The following PCDHGA10 variants were observed in gnomAD, a reference collection of about 807,000 sequenced individuals.
The protein encoded by PCDHGA10 is protocadherin gamma-A10.
PCDHGA10 carries 42 observed loss-of-function variants against 59.5 expected under a neutral mutation model. That is an observed-to-expected ratio of 0.71 (90% CI 0.55 to 0.91). The LOEUF (loss-of-function observed/expected upper bound fraction) is 0.91. PCDHGA10 is among the 40% of genes least tolerant of loss of function. PCDHGA10 has a pLI of 0.00. For synonymous variants in PCDHGA10, 511 were observed against 517.2 expected (o/e 0.99, Z 0.16); for missense variants, 1,111 against 1,198.2 (o/e 0.93, Z 1.07).
At chr5:141,419,548 G>C in intron 1 of PCDHGA10, 1 of 1,611,976 alleles carries the variant, frequency 6.2e-7, no homozygotes, top group Non-Finnish European at 8.5e-7. Context: ...CGCGGGTGCT[G>C]TACCCTGCGC....
intron 3 of PCDHGA10, among the ~76,000 whole-genome samples, chr5:141,506,198 C>T (rs985517638): frequency 3.3e-5 from 5 of 152,156 alleles, no homozygotes; most frequent in Admixed American, 6.5e-5. Context: ...CGCCTGTAAT[C>T]CCAGCACTTT....
At position 141,413,024 on chromosome 5, in the gene PCDHGA10, C is replaced by G; in HGVS notation, c.-152C>G. On this transcript the variant is annotated 5_prime_UTR_variant, in exon 1 of 4. Coordinates refer to ENST00000398610, the MANE Select transcript of PCDHGA10 (RefSeq NM_018913.3). The stretch of plus-strand genomic sequence containing the variant: ...CAGGGCTTCAACTACACAAGCCCCA[C>G]AAACCGGCTGCTGGGCTGCAGGGAA... The G allele has an allele frequency of 1.4e-6, 1 of 736,254 alleles. No individual in the cohort carries two copies. Among genetic ancestry groups the G allele is most frequent in the Non-Finnish European group, 2.1e-6 (1 of 471,976 alleles). The allele number at this position is 736,254 out of a possible 1,614,324, so 45.6% of individuals were successfully genotyped here.
At chr5:141,421,783 A>G in intron 1 of PCDHGA10, 1 of 1,613,882 alleles carries the variant, frequency 6.2e-7, no homozygotes, top group East Asian at 2.2e-5. Flanking sequence ...ACTGCGGGGC[A>G]GAACGGATGG....
rs2099412065 is a variant in PCDHGA10, at chr5:141,477,502, C to T, written c.2437-17305C>T. On this transcript the variant is annotated intron_variant, in intron 1 of 3. Coordinates refer to ENST00000398610, the MANE Select transcript of PCDHGA10 (RefSeq NM_018913.3). This position sits in a 1 kb window ranked among gnomAD's most constrained non-coding sequence, Gnocchi z 4.9. ...CTCCACAATCTTCTCAATCTTCCTACGACGTTTACATTGAAGAAAACAACC... is the reference window on the plus strand; with the variant it reads ...CTCCACAATCTTCTCAATCTTCCTATGACGTTTACATTGAAGAAAACAACC... 2 of 1,614,144 alleles carry T rather than the reference C, an allele frequency of 1.2e-6. No homozygotes were observed. Among genetic ancestry groups the T allele is most frequent in the Non-Finnish European group, 1.7e-6 (2 of 1,180,018 alleles).
intron 1 of PCDHGA10, among the ~76,000 whole-genome samples, chr5:141,448,604 A>G (rs954578256): frequency 1.3e-5 from 2 of 152,118 alleles, no homozygotes; most frequent in Non-Finnish European, 2.9e-5. Flanking sequence ...AATACTATAC[A>G]CCACTTTATA....
intron 1 of PCDHGA10, among the ~76,000 whole-genome samples, chr5:141,429,654 T>C (rs1373502548): frequency 6.6e-6 from 1 of 152,232 alleles, no homozygotes; most frequent in Non-Finnish European, 1.5e-5. Context: ...TTCTTCCCAA[T>C]TTAAAATATA....
chr5:141,413,924 A>T lies in PCDHGA10; in HGVS notation c.749A>T (p.Glu250Val). The T allele has an allele frequency of 6.2e-7, 1 of 1,613,408 alleles. No homozygotes were observed. Among genetic ancestry groups the T allele is most frequent in the Non-Finnish European group, 8.5e-7 (1 of 1,179,880 alleles). Residue 250 changes from glutamate to valine, a missense_variant, in exon 1 of 4, where the codon GAA becomes GTA. Coordinates refer to ENST00000398610, the MANE Select transcript of PCDHGA10 (RefSeq NM_018913.3). ...NDNAPVFTLP[E>V]YRVSVPENLP... is the part of the protein sequence containing the mutation. ...AACGCGCCGGTCTTCACCTTGCCAG[A>T]ATACCGAGTGAGTGTTCCTGAGAAT...
rs773688197 is a variant in PCDHGA10 at position 141,432,412 on chromosome 5, C to A, written c.2436+16801C>A. 2.5e-6 allele frequency: 4 copies of A among 1,614,128 alleles called. No homozygotes were observed. The Admixed American group carries it at 6.7e-5, about 27-fold the overall frequency. On this transcript the variant is annotated intron_variant, in intron 1 of 3. Transcript: ENST00000398610. The surrounding 1 kb of genome is among the most constrained non-coding windows in gnomAD (Gnocchi z 6.0). ...GCAGCAACGTGTCGTTGAGCCTGTT[C>A]GTGCTGGACCAGAACGACAATGCGC...
chr5:141,479,435 G>C (rs2099495981), intron 1 of PCDHGA10: 1 of 152,218 alleles, frequency 6.6e-6, no homozygotes, highest in Non-Finnish European at 1.5e-5. Context: ...TCAATCCACT[G>C]TCTGCACTAA....
chr5:141,491,616 C>T lies in PCDHGA10; in HGVS notation c.2437-3191C>T. 1 of 1,613,944 alleles carries T rather than the reference C, an allele frequency of 6.2e-7. No homozygotes were observed. Among genetic ancestry groups the T allele is most frequent in the South Asian group, 1.1e-5 (1 of 91,082 alleles). On this transcript the variant is annotated intron_variant, in intron 1 of 3. Coordinates refer to ENST00000398610, the MANE Select transcript of PCDHGA10 (RefSeq NM_018913.3). The surrounding 1 kb of genome is among the most constrained non-coding windows in gnomAD (Gnocchi z 6.9). ...GCAGTGACTTCACTTTTCTAAGACC[C>T]CTCAGCGTTCAGCAGCCCACAGCTC...
At chr5:141,423,485 C>T (rs752918607) in intron 1 of PCDHGA10, 30 of 1,613,840 alleles carry the variant, frequency 1.9e-5, no homozygotes, top group Non-Finnish European at 2.2e-5. Context: ...TTCCTGCAAA[C>T]CTATTCCCAC....
intron 1 of PCDHGA10, chr5:141,478,091 A>G: frequency 6.2e-7 from 1 of 1,613,972 alleles, no homozygotes; most frequent in African/African-American, 1.3e-5. Flanking sequence ...GCTCTCCACC[A>G]CTGCTACCCT....
At chr5:141,467,064 T>C (rs1289790911) in intron 1 of PCDHGA10, among the ~76,000 whole-genome samples, 2 of 151,724 alleles carry the variant, frequency 1.3e-5, no homozygotes, top group Middle Eastern at 3.2e-3. Context: ...TCTTTTTTTT[T>C]TTTTTTTAGA....
rs201408987 is a variant in PCDHGA10, at chr5:141,476,857, C to T, written c.2437-17950C>T. 12 of 1,613,768 alleles carry T rather than the reference C, an allele frequency of 7.4e-6. No individual in the cohort carries two copies. The highest frequency in any genetic ancestry group is 1.0e-5 in the Non-Finnish European group (12 of 1,180,054). ...ACAATGCGCCTGTCTTCAACCAGTC[C>T]TTGTACCGGGCGCGCGTCCTGGAGG... On this transcript the variant is annotated intron_variant, in intron 1 of 3. Transcript: ENST00000398610. The surrounding 1 kb of genome is among the most constrained non-coding windows in gnomAD (Gnocchi z 7.6).
At chr5:141,452,897 T>C (rs1447851469) in intron 1 of PCDHGA10, among the ~76,000 whole-genome samples, 1 of 152,230 alleles carries the variant, frequency 6.6e-6, no homozygotes, top group Non-Finnish European at 1.5e-5. Flanking sequence ...CCACTTTTAT[T>C]AGTTGGCATT....
intron 1 of PCDHGA10, among the ~76,000 whole-genome samples, chr5:141,438,629 TATATATACACACAC>T (rs1468553117): frequency 3.8e-3 from 181 of 48,054 alleles, no homozygotes; most frequent in Non-Finnish European, 5.4e-3. Flanking sequence ...TATATATATA[TATATATACACACAC>T]ACACACACAT....
chr5:141,418,248 C>T (rs372067603), intron 1 of PCDHGA10: 7 of 1,613,882 alleles, frequency 4.3e-6, no homozygotes, highest in African/African-American at 1.3e-5. Flanking sequence ...AATGACCACG[C>T]CCCTCAATTC....
chr5:141,433,038 C>A, intron 1 of PCDHGA10: 3 of 1,614,180 alleles, frequency 1.9e-6, no homozygotes, highest in Non-Finnish European at 2.5e-6. Flanking sequence ...GTTTCCCTCA[C>A]CACGGACTCG....
chr5:141,494,924 TGGGAGGAGATGGGGGAG>T, intron 2 of PCDHGA10, 59 bp downstream of exon 2: 1 of 1,613,498 alleles, frequency 6.2e-7, no homozygotes, highest in Admixed American at 1.7e-5. Flanking sequence ...AGGGATGACG[TGGGAGGAGATGGGGGAG>T]GGCCCAGCAT....
Sources: gnomAD v4.1 joint callset for allele counts (sites outside exome capture counted in the v4.1 genomes callset) on GRCh38, gnomAD v4.1.1 for gene constraint, Gnocchi (gnomAD v3.1) non-coding constraint, MANE v1.5 for transcripts, NCBI Gene and HGNC (gene_info 2026-07-23, HGNC 2026-07-21) for gene names.